Variants in RARB observed in about 807,000 individuals in gnomAD.
RARB encodes retinoic acid receptor beta.
Under a neutral mutation model 51.9 loss-of-function variants are expected in RARB, and 17 were observed. That is an observed-to-expected ratio of 0.33 (90% confidence interval 0.22 to 0.49). The LOEUF (loss-of-function observed/expected upper bound fraction) is 0.49. RARB is among the 20% of genes least tolerant of loss of function. The pLI is 0.99. For missense variants in RARB, 369 were observed against 550.8 expected (o/e 0.67, Z 3.30); for synonymous variants, 215 against 195.4 (o/e 1.10, Z -0.84).
At chr3:25,200,232 C>A (rs1208620189) in intron 5 of RARB, among the ~76,000 whole-genome samples, 1 of 151,714 alleles carries the variant, frequency 6.6e-6, no homozygotes, top group East Asian at 1.9e-4. Flanking sequence ...CTTTTGGCTG[C>A]ATAAATGTCT....
chr3:24,914,403 C>G (rs1695064007), intron 2 of RARB, among the ~76,000 whole-genome samples: 1 of 152,116 alleles, frequency 6.6e-6, no homozygotes, highest in Non-Finnish European at 1.5e-5. Flanking sequence ...TATGCCCTCT[C>G]AGATAGGCCT....
At chr3:24,983,287 G>GT (rs963520715) in intron 2 of RARB, among the ~76,000 whole-genome samples, 2,422 of 144,020 alleles carry the variant, frequency 0.017, 61 homozygotes, top group African/African-American at 0.056. Flanking sequence ...CCTTTTGTTT[G>GT]TTTTTTTTTT....
At chr3:25,104,826 G>A (rs1349809620) in intron 3 of RARB, among the ~76,000 whole-genome samples, 1 of 152,184 alleles carries the variant, frequency 6.6e-6, no homozygotes, top group Non-Finnish European at 1.5e-5. Context: ...AATCCCACAT[G>A]TTTAATAGTA....
rs1262947024 is a variant in RARB, at chr3:25,594,344, G to GT, written c.992-167dup. ...ATGTTTATACTACCAAGGGGGGGCA[G>GT]TTTTTTTTTGTTTTTCAAGTATCAC... On this transcript the variant is annotated intron_variant, in intron 6 of 7. Transcript: ENST00000330688. Among the ~76,000 whole-genome samples the GT allele has an allele frequency of 1.2e-3, 186 of 151,280 alleles. 1 individual carries two copies. The highest frequency in any genetic ancestry group is 3.4e-3 in the Middle Eastern group (1 of 292).
chr3:25,577,146 T>A (rs1476851648), intron 4 of RARB, among the ~76,000 whole-genome samples: 1 of 152,226 alleles, frequency 6.6e-6, no homozygotes, highest in East Asian at 1.9e-4. Context: ...CGTGGTGCAC[T>A]GGTGGGAAGC....
chr3:25,246,791 A>G (rs1008255103), intron 5 of RARB, among the ~76,000 whole-genome samples: 3 of 152,196 alleles, frequency 2.0e-5, no homozygotes, highest in African/African-American at 7.2e-5. Flanking sequence ...ATCAGGAGGC[A>G]CAGGGTTTGG....
At chr3:25,357,792 T>C (rs1705791643) in intron 5 of RARB, among the ~76,000 whole-genome samples, 1 of 151,850 alleles carries the variant, frequency 6.6e-6, no homozygotes, top group Non-Finnish European at 1.5e-5. Context: ...TTCTTGTTTT[T>C]GTCCGGTCAA....
At chr3:25,356,669 C>T (rs1334065319) in intron 5 of RARB, among the ~76,000 whole-genome samples, 1 of 152,076 alleles carries the variant, frequency 6.6e-6, no homozygotes, top group Non-Finnish European at 1.5e-5. Flanking sequence ...CCCCTTGCCC[C>T]CCATTCCCTG....
chr3:25,263,765 A>G (rs1250277135), intron 5 of RARB, among the ~76,000 whole-genome samples: 2 of 152,148 alleles, frequency 1.3e-5, no homozygotes, highest in African/African-American at 2.4e-5. Context: ...CCAGGGAGGA[A>G]AGATGGAGGG....
chr3:25,115,211 T>TA (rs1327935084), intron 3 of RARB, among the ~76,000 whole-genome samples: 22 of 152,262 alleles, frequency 1.4e-4, no homozygotes, highest in East Asian at 3.9e-4. Flanking sequence ...TGGTTTTACT[T>TA]AAAAAAACTG....
intron 3 of RARB, among the ~76,000 whole-genome samples, chr3:25,079,680 C>T (rs918448232): frequency 4.6e-5 from 7 of 152,098 alleles, no homozygotes; most frequent in Admixed American, 4.6e-4. Context: ...TGATGAATAA[C>T]ATTGATTAAT....
chr3:25,161,754 A>G (rs1575188751), intron 4 of RARB, among the ~76,000 whole-genome samples: 1 of 152,228 alleles, frequency 6.6e-6, no homozygotes, highest in Admixed American at 6.5e-5. Flanking sequence ...AATGTTGAAT[A>G]TATTTTAAAT....
At chr3:24,833,847 C>T (rs1305919958) in intron 1 of RARB, among the ~76,000 whole-genome samples, 2 of 152,184 alleles carry the variant, frequency 1.3e-5, no homozygotes, top group African/African-American at 4.8e-5. Flanking sequence ...AGTGCTCTAG[C>T]CATACCAGTT....
chr3:24,866,872 A>T (rs746786299), intron 2 of RARB, among the ~76,000 whole-genome samples: 1 of 152,046 alleles, frequency 6.6e-6, no homozygotes, highest in Non-Finnish European at 1.5e-5. Flanking sequence ...AGGGTTTTTC[A>T]AGGATAGTTT....
At chr3:24,920,992 A>G (rs1158925762) in intron 2 of RARB, among the ~76,000 whole-genome samples, 1 of 152,198 alleles carries the variant, frequency 6.6e-6, no homozygotes, top group Admixed American at 6.5e-5. Flanking sequence ...TTCCACTATT[A>G]TAGTCATGTC....
At chr3:25,447,049 T>G (rs1409789890) in intron 1 of RARB, among the ~76,000 whole-genome samples, 1 of 152,060 alleles carries the variant, frequency 6.6e-6, no homozygotes, top group East Asian at 1.9e-4. Context: ...TTAATAATCC[T>G]TGCTCTTCAC....
At chr3:25,005,247 GTTAT>G (rs1697246157) in intron 2 of RARB, among the ~76,000 whole-genome samples, 1 of 152,094 alleles carries the variant, frequency 6.6e-6, no homozygotes, top group South Asian at 2.1e-4. Flanking sequence ...GCCTGTATCA[GTTAT>G]TTATTACTGT....
At chr3:24,925,914 G>C (rs148852073) in intron 2 of RARB, among the ~76,000 whole-genome samples, 2 of 152,126 alleles carry the variant, frequency 1.3e-5, no homozygotes, top group African/African-American at 4.8e-5. Context: ...CAACGTGTAA[G>C]TTATTTTGGT....
chr3:24,837,240 C>A (rs544555660), intron 1 of RARB, among the ~76,000 whole-genome samples: 3 of 152,166 alleles, frequency 2.0e-5, no homozygotes, highest in African/African-American at 4.8e-5. Flanking sequence ...TGGTCATCTG[C>A]AACTGGTAGA....
Sources: allele counts gnomAD v4.1 joint callset (sites outside exome capture counted in the v4.1 genomes callset), GRCh38; gene constraint gnomAD v4.1.1; transcripts MANE v1.5; gene names NCBI Gene and HGNC (gene_info 2026-07-23, HGNC 2026-07-21).